Variants in SLC38A10 observed in about 807,000 individuals in gnomAD.
SLC38A10 encodes the protein Sodium-coupled neutral amino acid transporter 10.
A neutral mutation model predicts 81.0 loss-of-function variants in SLC38A10; 53 were observed. The ratio of observed to expected loss-of-function variants is 0.65; its 90% CI spans 0.53 to 0.82. SLC38A10 has a LOEUF of 0.82. Ranked by LOEUF, SLC38A10 falls within the 40% of genes least tolerant of loss-of-function variation. The pLI is 0.00. For missense variants in SLC38A10, 1,471 were observed against 1,545.0 expected, an observed-to-expected ratio of 0.95 and a Z score of 0.80; for synonymous variants, 665 against 655.3, an observed-to-expected ratio of 1.01 and a Z score of -0.23.
intron 10 of SLC38A10, among the ~76,000 whole-genome samples, chr17:81,262,531 G>A (rs1273292192): frequency 3.9e-5 from 6 of 152,228 alleles, no homozygotes; most frequent in Non-Finnish European, 4.4e-5. Context: ...CCAGCTGAGG[G>A]TGGACAGAAA....
rs1487829755 is a variant in SLC38A10 at position 81,283,227 on chromosome 17, T to C, written c.357+182A>G. ...TCTGCCTGGCTTGCTTCCTCGCGTG[T>C]ACCTCTCACAGACGTGACCCAGCAA... On this transcript the variant is annotated intron_variant, in intron 4 of 15. Coordinates refer to ENST00000374759, the MANE Select transcript of SLC38A10 (RefSeq NM_001037984.3). The surrounding 1 kb of genome is among the most constrained non-coding windows in gnomAD (Gnocchi z 4.7). Among the ~76,000 whole-genome samples the C allele has an allele frequency of 6.6e-6, 1 of 152,006 alleles. No individual in the cohort carries two copies. Among genetic ancestry groups the C allele is most frequent in the Non-Finnish European group, 1.5e-5 (1 of 67,990 alleles).
rs181047887 is a variant in SLC38A10, at chr17:81,283,221, C to T, written c.357+188G>A. On this transcript the variant is annotated intron_variant, in intron 4 of 15. Coordinates refer to ENST00000374759, the MANE Select transcript of SLC38A10 (RefSeq NM_001037984.3). The surrounding 1 kb of genome is among the most constrained non-coding windows in gnomAD (Gnocchi z 4.7). ...TCAGACTCTGCCTGGCTTGCTTCCT[C>T]GCGTGTACCTCTCACAGACGTGACC... Among the ~76,000 whole-genome samples, 19 of 152,248 alleles carry T rather than the reference C, an allele frequency of 1.2e-4. No homozygotes were observed. Among genetic ancestry groups the T allele is most frequent in the Admixed American group, 3.9e-4 (6 of 15,292 alleles).
chr17:81,262,190 G>A (rs7219081), intron 10 of SLC38A10, among the ~76,000 whole-genome samples: 11,266 of 152,272 alleles, frequency 0.074, 424 homozygotes, highest in East Asian at 0.13. Context: ...GCCTGAGGCC[G>A]GAAGGAAAGG....
rs749083190 is a variant in SLC38A10 at position 81,289,736 on chromosome 17, C to T, written c.172G>A (p.Val58Met). Residue 58 changes from valine (V) to methionine (M), a missense_variant, in exon 2 of 16, where the codon GTG (valine) becomes ATG (methionine). This residue lies in a region of SLC38A10 where 720 missense variants were observed against 827.7 expected (regional missense o/e 0.87). Coordinates refer to ENST00000374759, the MANE Select transcript of SLC38A10 (RefSeq NM_001037984.3). This position sits in a 1 kb window ranked among gnomAD's most constrained non-coding sequence, Gnocchi z 5.9. The part of the protein sequence containing the change: ...WMTHQSCMFL[V>M]KSASLSKRRT... ...CGCTTGCTCAGGCTGGCCGACTTCA[C>T]CAAGAACATGCACGACTGGTGCGTC... 2 of 1,611,834 alleles carry T rather than the reference C, an allele frequency of 1.2e-6. No homozygotes were observed. The highest frequency in any genetic ancestry group is 1.9e-4 in the Middle Eastern group (1 of 5,176).
chr17:81,251,294 G>A, intron 14 of SLC38A10, 199 bp downstream of exon 14: 1 of 1,612,926 alleles, frequency 6.2e-7, no homozygotes, highest in Non-Finnish European at 8.5e-7. Flanking sequence ...GAGTAAGGCA[G>A]ATAAAAGGTT....
rs375422900 is a variant in SLC38A10, at chr17:81,277,180, C to G, written c.627-47G>C. 9 of 1,567,284 alleles carry G rather than the reference C, an allele frequency of 5.7e-6. No homozygotes were observed. The African/African-American group carries it at 1.2e-4, about 21-fold the overall frequency. On this transcript the variant is annotated intron_variant, in intron 6 of 15. Coordinates refer to ENST00000374759, the MANE Select transcript of SLC38A10 (RefSeq NM_001037984.3). The surrounding 1 kb of genome is among the most constrained non-coding windows in gnomAD (Gnocchi z 4.5). ...CACAGCGGACCTGAGAGAGGCACGC[C>G]CTCCCCAGCGGCTCCACTTCTAGGA... is the stretch of plus-strand genomic sequence containing the variant.
intron 1 of SLC38A10, among the ~76,000 whole-genome samples, chr17:81,291,157 CTGT>C (rs1188912447): frequency 6.6e-6 from 1 of 152,072 alleles, no homozygotes; most frequent in Admixed American, 6.6e-5. Flanking sequence ...ACTTTCCAGT[CTGT>C]TGTTCTGTAG....
At position 81,279,728 on chromosome 17, in the gene SLC38A10, A is replaced by T. The variant is rs572583893; in HGVS notation, c.626+881T>A. On this transcript the variant is annotated intron_variant, in intron 6 of 15. Coordinates refer to ENST00000374759, the MANE Select transcript of SLC38A10 (RefSeq NM_001037984.3). Reference sequence around the variant, plus strand: ...GCTGCAGATTTATTTCTAAATATGCAAACACGCAGACACAAAGGGCAACTG... The same window carrying T: ...GCTGCAGATTTATTTCTAAATATGCTAACACGCAGACACAAAGGGCAACTG... 6.2e-4 allele frequency: 96 copies of T among 155,000 alleles called. 1 individual carries two copies. The highest frequency in any genetic ancestry group is 5.7e-5 in the Non-Finnish European group (4 of 69,626). 9.6% of individuals were successfully genotyped at this position (155,000 alleles called of 1,614,324 possible).
At position 81,253,210 on chromosome 17, in the gene SLC38A10, T is replaced by C. The variant is rs2062936568; in HGVS notation, c.1319A>G (p.Asp440Gly). The part of the protein sequence containing the change: ...AQDPVVAVAE[D>G]GREKPKLPKE... The stretch of plus-strand genomic sequence containing the variant: ...CGGCAGCTTCGGCTTCTCCCGGCCA[T>C]CCTCAGCCACGGCCACAACCGGATC... Residue 440 changes from aspartate (D) to glycine (G), a missense_variant, in exon 12 of 16, where the codon GAT (aspartate) becomes GGT (glycine). Physicochemically the swap from Asp to Gly is moderately conservative, Grantham distance 94. This residue lies in a region of SLC38A10 where 720 missense variants were observed against 827.7 expected (regional missense o/e 0.87). Transcript: ENST00000374759. The surrounding 1 kb of genome is among the most constrained non-coding windows in gnomAD (Gnocchi z 4.1). The C allele has an allele frequency of 6.2e-7, 1 of 1,613,542 alleles. No individual in the cohort carries two copies. The highest frequency in any genetic ancestry group is 1.1e-5 in the South Asian group (1 of 91,072).
In SLC38A10 at chr17:81,290,022, C is replaced by A. The variant is rs146447328; in HGVS notation, c.100-214G>T. On this transcript the variant is annotated intron_variant, in intron 1 of 15. Coordinates refer to ENST00000374759, the MANE Select transcript of SLC38A10 (RefSeq NM_001037984.3). ...CAGGGATGAAGCTGTATGCGCAGAG[C>A]ACAGGGGTGCCATCTCCTTCCCAGT... Among the ~76,000 whole-genome samples the A allele has an allele frequency of 1.4e-3, 210 of 152,342 alleles. 2 individuals carry two copies. Among genetic ancestry groups the A allele is most frequent in the Non-Finnish European group, 2.5e-4 (17 of 68,034 alleles).
At position 81,270,390 on chromosome 17, in the gene SLC38A10, G is replaced by A. The variant is rs567531997; in HGVS notation, c.1131+528C>T. ...TGGGATTATGGAATCTTCCTACCAC[G>A]GAACCCATGAAACGGCTAAAAATAG... On this transcript the variant is annotated intron_variant, in intron 10 of 15. Coordinates refer to ENST00000374759, the MANE Select transcript of SLC38A10 (RefSeq NM_001037984.3). This position sits in a 1 kb window ranked among gnomAD's most constrained non-coding sequence, Gnocchi z 4.0. 4.4e-4 allele frequency among the ~76,000 whole-genome samples: 67 copies of A among 152,314 alleles called. No individual in the cohort carries two copies. The highest frequency in any genetic ancestry group is 1.2e-3 in the Admixed American group (18 of 15,304).
At chr17:81,267,650 C>T (rs1284408897) in intron 10 of SLC38A10, among the ~76,000 whole-genome samples, 1 of 152,116 alleles carries the variant, frequency 6.6e-6, no homozygotes, top group Non-Finnish European at 1.5e-5. Context: ...TAAAACTCAC[C>T]AAGAAACTTC....
intron 8 of SLC38A10, among the ~76,000 whole-genome samples, chr17:81,273,038 TCAGGGTG>T (rs1249218212): frequency 6.6e-6 from 1 of 152,156 alleles, no homozygotes; most frequent in Admixed American, 6.5e-5. Context: ...CCCACAGGTT[TCAGGGTG>T]CAGGCAGAAC....
In SLC38A10 at chr17:81,245,850, G is replaced by C. The variant is rs1160793010; in HGVS notation, c.3066C>G (p.Leu1022=). 2.9e-5 allele frequency: 47 copies of C among 1,612,038 alleles called. No homozygotes were observed. Among genetic ancestry groups the C allele is most frequent in the Non-Finnish European group, 3.6e-5 (42 of 1,179,532 alleles). ...TCTGGCCCCCCGGGACAGCTCGTTT[G>C]AGCCCCAGCTCTGGCTCTGGCCTCT... ...PRQRPEPELG[L]KRAVPGGQRP... is the part of the protein sequence containing the mutation. The change falls in exon 16 of 16, where the codon CTC becomes CTG. Residue 1022 remains leucine (L), a synonymous_variant. Coordinates refer to ENST00000374759, the MANE Select transcript of SLC38A10 (RefSeq NM_001037984.3).
In SLC38A10 at chr17:81,245,876, G is replaced by A; in HGVS notation, c.3040C>T (p.Gln1014Ter). 1.9e-6 allele frequency: 3 copies of A among 1,612,274 alleles called. No individual in the cohort carries two copies. Among genetic ancestry groups the A allele is most frequent in the South Asian group, 2.2e-5 (2 of 91,074 alleles). ...AGCCCCAGCTCTGGCTCTGGCCTCT[G>A]CCTGGGCTCCTGGACAGCAGCGTCC... Reference protein sequence around the residue: ...GEDAAVQEPRQRPEPELGLKR... With the variant: ...GEDAAVQEPR The change falls in exon 16 of 16, where the codon CAG becomes TAG. Residue 1014 changes from glutamine (Q) to a stop codon, truncating the protein, a stop_gained. Transcript: ENST00000374759. LOFTEE classifies it low-confidence loss of function (END_TRUNC).
chr17:81,287,538 C>T (rs538205360), intron 2 of SLC38A10, among the ~76,000 whole-genome samples: 4 of 152,326 alleles, frequency 2.6e-5, no homozygotes, highest in South Asian at 4.1e-4. Context: ...GGCCTCTGTC[C>T]GGAGCTCACG....
chr17:81,289,856 CA>C lies in SLC38A10; in HGVS notation c.100-49del. The stretch of plus-strand genomic sequence containing the variant: ...CATGTTCACAGCAGCAGGTGCTCCC[CA>C]GAGGCCCTCACCCCACACACGCGGC... On this transcript the variant is annotated intron_variant, in intron 1 of 15. Coordinates refer to ENST00000374759, the MANE Select transcript of SLC38A10 (RefSeq NM_001037984.3). The surrounding 1 kb of genome is among the most constrained non-coding windows in gnomAD (Gnocchi z 5.9). 1 of 1,461,926 alleles carries C rather than the reference CA, an allele frequency of 6.8e-7. No individual in the cohort carries two copies. The highest frequency in any genetic ancestry group is 9.2e-7 in the Non-Finnish European group (1 of 1,082,932). The allele number at this position is 1,461,926 out of a possible 1,614,324, so 90.6% of individuals were successfully genotyped here.
At chr17:81,271,748 ATTTTTTT>A (rs756214430) in intron 9 of SLC38A10, among the ~76,000 whole-genome samples, 23 of 121,146 alleles carry the variant, frequency 1.9e-4, no homozygotes, top group Non-Finnish European at 2.9e-4. Flanking sequence ...AAGCTGACAG[ATTTTTTT>A]TTTTTTTTTT....
At chr17:81,251,840 G>T in intron 13 of SLC38A10, 1 of 530,916 alleles carries the variant, frequency 1.9e-6, no homozygotes. Flanking sequence ...AACTGCCTTC[G>T]CAATTAAAAT....
Sources: gnomAD v4.1 joint callset for allele counts (sites outside exome capture counted in the v4.1 genomes callset) on GRCh38, gnomAD v4.1.1 for gene constraint, gnomAD v4.1.1 regional missense constraint, Gnocchi (gnomAD v3.1) non-coding constraint, MANE v1.5 for transcripts, NCBI Gene and HGNC (gene_info 2026-07-23, HGNC 2026-07-21) for gene names.